The following MAEA variants were observed in gnomAD, a reference collection of about 807,000 sequenced individuals.
MAEA encodes the protein E3 ubiquitin-protein transferase MAEA.
Under a neutral mutation model 46.2 loss-of-function variants are expected in MAEA, and 22 were observed. The observed-to-expected ratio is 0.48, with a 90% CI of 0.34 to 0.68. The LOEUF is 0.68. Among genes scored for constraint, MAEA ranks in the 30% least tolerant of loss-of-function variants. The pLI is 0.01. For missense variants in MAEA, 393 were observed against 558.1 expected (o/e 0.70, Z 2.98); for synonymous variants, 246 against 222.6 (o/e 1.11, Z -0.94).
chr4:1,293,264 C>T (rs942757380), intron 1 of MAEA, among the ~76,000 whole-genome samples: 20 of 151,568 alleles, frequency 1.3e-4, no homozygotes, highest in Middle Eastern at 3.4e-3. Flanking sequence ...CGGTGGTGTG[C>T]GCCTGTAGTC....
intron 3 of MAEA, among the ~76,000 whole-genome samples, chr4:1,316,309 C>CG (rs1212448328): frequency 6.7e-6 from 1 of 149,920 alleles, no homozygotes; most frequent in Non-Finnish European, 1.5e-5. Context: ...TCTCTGCCAT[C>CG]GGGCAGTTGT....
At chr4:1,330,366 T>G (rs557260610) in intron 5 of MAEA, 2 of 150,382 alleles carry the variant, frequency 1.3e-5, no homozygotes, top group African/African-American at 5.2e-5. Flanking sequence ...TGAGTTTTGC[T>G]CTGTTGCCTG....
chr4:1,308,927 C>T (rs1736102584), intron 1 of MAEA, among the ~76,000 whole-genome samples: 1 of 152,150 alleles, frequency 6.6e-6, no homozygotes, highest in South Asian at 2.1e-4. Flanking sequence ...TTTCTGTTGC[C>T]TGTGCTATTA....
intron 5 of MAEA, chr4:1,330,119 A>T (rs1345235983): frequency 2.0e-6 from 2 of 985,332 alleles, no homozygotes; most frequent in Non-Finnish European, 2.4e-6. Context: ...GAAATGCAAA[A>T]GTATGAGCTG....
At chr4:1,307,671 T>C (rs930026538) in intron 1 of MAEA, among the ~76,000 whole-genome samples, 1 of 152,144 alleles carries the variant, frequency 6.6e-6, no homozygotes, top group African/African-American at 2.4e-5. Context: ...AGCTGGTGCG[T>C]GGCTCAGTCC....
intron 3 of MAEA, among the ~76,000 whole-genome samples, chr4:1,320,658 CAAGAAGACACT>C (rs541112228): frequency 7.7e-4 from 117 of 151,586 alleles, no homozygotes; most frequent in African/African-American, 2.7e-3. Context: ...AGCAAACGTG[CAAGAAGACACT>C]ATGAAGGGGT....
chr4:1,326,610 C>G (rs2108976987), intron 4 of MAEA, among the ~76,000 whole-genome samples: 1 of 152,252 alleles, frequency 6.6e-6, no homozygotes, highest in Middle Eastern at 3.4e-3. Context: ...CTTGGTCCTG[C>G]AGGAGCTTCC....
chr4:1,321,806 C>G (rs1254407133), intron 3 of MAEA, among the ~76,000 whole-genome samples: 1 of 152,140 alleles, frequency 6.6e-6, no homozygotes, highest in African/African-American at 2.4e-5. Context: ...CACTGAGCAC[C>G]CACCCCCTGT....
chr4:1,334,873 C>T, intron 6 of MAEA: 7 of 985,390 alleles, frequency 7.1e-6, no homozygotes, highest in Non-Finnish European at 8.4e-6. Context: ...GGGCTTCCTC[C>T]CTTGTAGACT....
At chr4:1,292,084 A>G (rs1251367896) in intron 1 of MAEA, among the ~76,000 whole-genome samples, 1 of 152,226 alleles carries the variant, frequency 6.6e-6, no homozygotes, top group East Asian at 1.9e-4. Flanking sequence ...AGGAGGGGCC[A>G]GTGCAGATGT....
Position 1,305,727 on chromosome 4 carries a change from G to A in MAEA, c.70-6252G>A, listed in dbSNP as rs537979237. ...CAGTGGCACCCACATGTGTGTGTGC[G>A]CACGCGTGTGTGGGAGTGTGCGTGC... On this transcript the variant is annotated intron_variant, in intron 1 of 8. Transcript: ENST00000303400. Among the ~76,000 whole-genome samples, 11 of 152,272 alleles carry A rather than the reference G, an allele frequency of 7.2e-5. No homozygotes were observed. The East Asian group carries it at 7.7e-4, about 11-fold the overall frequency.
At chr4:1,329,859 C>T in intron 5 of MAEA, 1 of 985,558 alleles carries the variant, frequency 1.0e-6, no homozygotes. Context: ...CAGGCAGGGC[C>T]CTCTCACCTG....
At chr4:1,294,757 G>A (rs73796055) in intron 1 of MAEA, among the ~76,000 whole-genome samples, 22,730 of 147,672 alleles carry the variant, frequency 0.15, 3,412 homozygotes, top group East Asian at 0.42. Context: ...CTTTAAAGAC[G>A]CTGATGAGGT....
chr4:1,308,903 G>A (rs1429923292), intron 1 of MAEA, among the ~76,000 whole-genome samples: 1 of 152,152 alleles, frequency 6.6e-6, no homozygotes, highest in East Asian at 1.9e-4. Flanking sequence ...GTTTGATGTA[G>A]TCCCATTTGT....
At chr4:1,326,496 C>G (rs988605584) in intron 4 of MAEA, among the ~76,000 whole-genome samples, 1 of 152,222 alleles carries the variant, frequency 6.6e-6, no homozygotes, top group Non-Finnish European at 1.5e-5. Context: ...CCACCCCAGC[C>G]ACAAGTCTCG....
chr4:1,324,232 C>T (rs1379374483), intron 4 of MAEA, among the ~76,000 whole-genome samples: 1 of 143,006 alleles, frequency 7.0e-6, no homozygotes, highest in Admixed American at 7.0e-5. Context: ...AGATTGGATG[C>T]CTGGTGGATG....
chr4:1,326,115 T>C (rs1302486110), intron 4 of MAEA, among the ~76,000 whole-genome samples: 1 of 152,090 alleles, frequency 6.6e-6, no homozygotes, highest in Non-Finnish European at 1.5e-5. Flanking sequence ...GTGCTATGCG[T>C]GTCGGGGCAG....
chr4:1,329,177 C>T (rs940602425), intron 5 of MAEA: 2 of 985,670 alleles, frequency 2.0e-6, no homozygotes, highest in Admixed American at 6.1e-5. Flanking sequence ...GCAGCTGGTT[C>T]CGCATAGGGT....
chr4:1,313,659 C>A (rs571774594), intron 2 of MAEA, among the ~76,000 whole-genome samples: 2 of 151,842 alleles, frequency 1.3e-5, no homozygotes, highest in South Asian at 4.2e-4. Flanking sequence ...CCCAGGAGGT[C>A]AAGGCTGCAG....
Sources: gnomAD v4.1 joint callset for allele counts (sites outside exome capture counted in the v4.1 genomes callset) on GRCh38, gnomAD v4.1.1 for gene constraint, MANE v1.5 for transcripts, NCBI Gene and HGNC (gene_info 2026-07-23, HGNC 2026-07-21) for gene names.